PDE3A: variants seen among roughly 807,000 people sequenced by gnomAD.
PDE3A encodes the protein cGMP-inhibited 3',5'-cyclic phosphodiesterase 3A.
Under a neutral mutation model 98.3 loss-of-function variants are expected in PDE3A, and 43 were observed. That is an observed-to-expected ratio of 0.44 (90% CI 0.34 to 0.56). The LOEUF is 0.56. PDE3A is among the 20% of genes least tolerant of loss of function. The pLI is 0.01. For synonymous variants in PDE3A, 663 were observed against 567.9 expected, an observed-to-expected ratio of 1.17 and a Z score of -2.38; for missense variants, 1,427 against 1,440.7, an observed-to-expected ratio of 0.99 and a Z score of 0.15.
In PDE3A at chr12:20,502,764, A is replaced by G. The variant is rs529266142; in HGVS notation, c.961-53896A>G. Among the ~76,000 whole-genome samples the G allele has an allele frequency of 3.3e-5, 5 of 152,296 alleles. No homozygotes were observed. In the East Asian group the frequency reaches 9.6e-4, roughly 29 times the overall value. On this transcript the variant is annotated intron_variant, in intron 1 of 15. Coordinates refer to ENST00000359062, the MANE Select transcript of PDE3A (RefSeq NM_000921.5). The stretch of plus-strand genomic sequence containing the variant: ...TTAACTGAATTCCTCAATTATTTCC[A>G]TGGATTGAGGAAATAAATACCAGAA...
intron 1 of PDE3A, among the ~76,000 whole-genome samples, chr12:20,429,178 A>G (rs1157991098): frequency 6.6e-6 from 1 of 152,222 alleles, no homozygotes; most frequent in Non-Finnish European, 1.5e-5. Flanking sequence ...GTGAAGATGA[A>G]ATACATAACA....
chr12:20,450,965 G>A (rs1038903688), intron 1 of PDE3A, among the ~76,000 whole-genome samples: 1 of 152,150 alleles, frequency 6.6e-6, no homozygotes, highest in African/African-American at 2.4e-5. Context: ...AACTTCAGCT[G>A]AATCACAGTG....
At chr12:20,422,518 T>C (rs1289934557) in intron 1 of PDE3A, among the ~76,000 whole-genome samples, 1 of 152,222 alleles carries the variant, frequency 6.6e-6, no homozygotes, top group Non-Finnish European at 1.5e-5. Context: ...GTAGACCTTT[T>C]GTTCCATTGC....
At chr12:20,613,227 C>T (rs1313754511) in intron 2 of PDE3A, among the ~76,000 whole-genome samples, 1 of 152,072 alleles carries the variant, frequency 6.6e-6, no homozygotes, top group Non-Finnish European at 1.5e-5. Flanking sequence ...TGACCCTCCC[C>T]AAGTTCTAGC....
chr12:20,460,287 A>T (rs1945225517), intron 1 of PDE3A, among the ~76,000 whole-genome samples: 1 of 152,216 alleles, frequency 6.6e-6, no homozygotes, highest in Non-Finnish European at 1.5e-5. Context: ...AAGAGTTTGC[A>T]CACATTTGTT....
At chr12:20,456,464 G>C (rs1305144646) in intron 1 of PDE3A, among the ~76,000 whole-genome samples, 1 of 152,002 alleles carries the variant, frequency 6.6e-6, no homozygotes, top group Non-Finnish European at 1.5e-5. Context: ...AAATATTGAT[G>C]GAAACATGTA....
intron 1 of PDE3A, among the ~76,000 whole-genome samples, chr12:20,466,309 A>T (rs1449417037): frequency 6.6e-6 from 1 of 152,236 alleles, no homozygotes; most frequent in African/African-American, 2.4e-5. Context: ...ATGAGCAAAT[A>T]ATTTTTTAAA....
chr12:20,509,126 C>T (rs957138743), intron 1 of PDE3A, among the ~76,000 whole-genome samples: 6 of 151,978 alleles, frequency 3.9e-5, no homozygotes, highest in Admixed American at 6.6e-5. Flanking sequence ...GATTCAATTA[C>T]GTCTAACAAA....
At chr12:20,388,143 G>A (rs780067557) in intron 1 of PDE3A, among the ~76,000 whole-genome samples, 35 of 152,012 alleles carry the variant, frequency 2.3e-4, no homozygotes, top group Non-Finnish European at 4.0e-4. Context: ...TTGGGTTGGA[G>A]ACATGGAAAT....
At chr12:20,543,897 T>G (rs1447282103) in intron 1 of PDE3A, among the ~76,000 whole-genome samples, 1 of 151,872 alleles carries the variant, frequency 6.6e-6, no homozygotes, top group East Asian at 1.9e-4. Context: ...CCATACAAAT[T>G]GGATGCTATT....
chr12:20,676,871 C>G (rs2120470677), intron 15 of PDE3A, among the ~76,000 whole-genome samples: 1 of 152,276 alleles, frequency 6.6e-6, no homozygotes, highest in Non-Finnish European at 1.5e-5. Context: ...GTGAGTTTCT[C>G]TGAGCTTCCT....
intron 1 of PDE3A, among the ~76,000 whole-genome samples, chr12:20,508,813 CA>C (rs11372750): frequency 1.4e-5 from 2 of 146,242 alleles, no homozygotes; most frequent in Non-Finnish European, 3.0e-5. Context: ...TAGTTGATAC[CA>C]AAAAAAAAAA....
intron 1 of PDE3A, among the ~76,000 whole-genome samples, chr12:20,461,224 G>T (rs1945242666): frequency 8.0e-6 from 1 of 124,798 alleles, no homozygotes; most frequent in Non-Finnish European, 1.6e-5. Context: ...CTCAGGCTAG[G>T]AGTGTTTGTC....
At chr12:20,526,361 A>T (rs1007143778) in intron 1 of PDE3A, among the ~76,000 whole-genome samples, 1 of 152,212 alleles carries the variant, frequency 6.6e-6, no homozygotes, top group South Asian at 2.1e-4. Context: ...AGATTGCATT[A>T]TATCATTTTG....
At chr12:20,501,448 C>A (rs1946024012) in intron 1 of PDE3A, among the ~76,000 whole-genome samples, 2 of 152,032 alleles carry the variant, frequency 1.3e-5, no homozygotes, top group African/African-American at 2.4e-5. Flanking sequence ...AGCATTTAAA[C>A]TGGTTATATG....
intron 1 of PDE3A, among the ~76,000 whole-genome samples, chr12:20,454,437 G>A (rs1307809247): frequency 1.3e-5 from 2 of 152,100 alleles, no homozygotes; most frequent in Non-Finnish European, 2.9e-5. Flanking sequence ...TAACTAGAAC[G>A]TAAGCTCAGT....
chr12:20,386,121 AAATATATAT>A (rs1943780498), intron 1 of PDE3A, among the ~76,000 whole-genome samples: 2 of 62,408 alleles, frequency 3.2e-5, no homozygotes, highest in African/African-American at 5.6e-5. Context: ...AAATATATAT[AAATATATAT>A]AAATATATAT....
At chr12:20,424,544 G>C (rs1944573744) in intron 1 of PDE3A, among the ~76,000 whole-genome samples, 1 of 152,108 alleles carries the variant, frequency 6.6e-6, no homozygotes, top group Non-Finnish European at 1.5e-5. Context: ...TAGATTCACA[G>C]ATGAATAAAA....
intron 2 of PDE3A, among the ~76,000 whole-genome samples, chr12:20,612,686 A>ATATATAAGTAATATAGTTACT (rs1555100147): frequency 0.15 from 7,655 of 50,980 alleles, 1,609 homozygotes; most frequent in African/African-American, 0.36. Context: ...ATAAGTAACT[A>ATATATAAGTAATATAGTTACT]TATATAAGTA....
Sources: gnomAD v4.1 joint callset for allele counts (sites outside exome capture counted in the v4.1 genomes callset) on GRCh38, gnomAD v4.1.1 for gene constraint, MANE v1.5 for transcripts, NCBI Gene and HGNC (gene_info 2026-07-23, HGNC 2026-07-21) for gene names.